The following INPP4B variants were observed in gnomAD, a reference collection of about 807,000 sequenced individuals.
The protein encoded by INPP4B is inositol polyphosphate-4-phosphatase type II B, also known as inositol polyphosphate 4-phosphatase type II.
Under a neutral mutation model 122.5 loss-of-function variants are expected in INPP4B, and 55 were observed. That is an observed-to-expected ratio of 0.45 (90% CI 0.36 to 0.56). INPP4B has a LOEUF of 0.56. INPP4B is among the 20% of genes least tolerant of loss of function. The pLI, the probability that INPP4B is intolerant of heterozygous loss-of-function variation, is 0.00. For synonymous variants in INPP4B, 403 were observed against 388.7 expected (o/e 1.04, Z -0.43); for missense variants, 1,000 against 1,097.7 (o/e 0.91, Z 1.26).
chr4:142,091,260 C>A (rs1447814978), intron 23 of INPP4B, among the ~76,000 whole-genome samples: 1 of 152,128 alleles, frequency 6.6e-6, no homozygotes, highest in African/African-American at 2.4e-5. Context: ...CAGCACTGAG[C>A]CAAGATTCCA....
intron 16 of INPP4B, among the ~76,000 whole-genome samples, chr4:142,171,531 C>G (rs1825641181): frequency 6.6e-6 from 1 of 151,854 alleles, no homozygotes; most frequent in South Asian, 2.1e-4. Flanking sequence ...TAGAATACCA[C>G]TAAAACTCTC....
intron 7 of INPP4B, among the ~76,000 whole-genome samples, chr4:142,399,353 C>G (rs574642968): frequency 6.6e-6 from 1 of 151,966 alleles, no homozygotes; most frequent in Non-Finnish European, 1.5e-5. Flanking sequence ...TGTGCCACCA[C>G]GCCCAGCTAA....
At chr4:142,642,052 G>A (rs142099533) in intron 2 of INPP4B, among the ~76,000 whole-genome samples, 1,756 of 152,278 alleles carry the variant, frequency 0.012, 31 homozygotes, top group African/African-American at 0.032. Flanking sequence ...TCTGTTGGCT[G>A]CATTGATGTC....
chr4:142,129,843 C>A (rs531568010), intron 18 of INPP4B, among the ~76,000 whole-genome samples: 2 of 152,224 alleles, frequency 1.3e-5, no homozygotes, highest in South Asian at 4.2e-4. Flanking sequence ...TTGCTCCCCC[C>A]CTCCTTTTTC....
At chr4:142,040,414 A>G (rs1746662207) in intron 25 of INPP4B, among the ~76,000 whole-genome samples, 1 of 152,242 alleles carries the variant, frequency 6.6e-6, no homozygotes, top group Admixed American at 6.5e-5. Context: ...TGACTGATAC[A>G]GAAAAGTCTC....
At chr4:142,089,998 G>C (rs1412558638) in intron 23 of INPP4B, among the ~76,000 whole-genome samples, 1 of 152,040 alleles carries the variant, frequency 6.6e-6, no homozygotes, top group Non-Finnish European at 1.5e-5. Flanking sequence ...TTTTACCATT[G>C]GTAGTACTAA....
intron 25 of INPP4B, among the ~76,000 whole-genome samples, chr4:142,049,866 A>G (rs1453017485): frequency 6.6e-6 from 1 of 152,078 alleles, no homozygotes; most frequent in African/African-American, 2.4e-5. Context: ...ATCAATAAGC[A>G]GAAATTCATT....
intron 22 of INPP4B, among the ~76,000 whole-genome samples, chr4:142,108,654 A>T (rs1788423307): frequency 6.6e-6 from 1 of 152,092 alleles, no homozygotes; most frequent in Non-Finnish European, 1.5e-5. Flanking sequence ...CACACTATCA[A>T]CTGCTGTAGG....
chr4:142,058,457 T>C (rs1758852443), intron 25 of INPP4B, among the ~76,000 whole-genome samples: 1 of 152,136 alleles, frequency 6.6e-6, no homozygotes, highest in South Asian at 2.1e-4. Flanking sequence ...TCTTTTTCCC[T>C]GAAAGTAACT....
At chr4:142,550,654 T>G (rs1161094384) in intron 2 of INPP4B, among the ~76,000 whole-genome samples, 1 of 150,572 alleles carries the variant, frequency 6.6e-6, no homozygotes, top group Non-Finnish European at 1.5e-5. Context: ...AGAAACTGGA[T>G]TTTTCTCTCA....
At chr4:142,312,955 C>T (rs1050309348) in intron 8 of INPP4B, among the ~76,000 whole-genome samples, 3 of 152,082 alleles carry the variant, frequency 2.0e-5, no homozygotes, top group African/African-American at 7.2e-5. Flanking sequence ...CAGAATAAAC[C>T]TCTGTCTCCC....
intron 9 of INPP4B, among the ~76,000 whole-genome samples, chr4:142,299,840 A>T: frequency 6.6e-6 from 1 of 152,100 alleles, no homozygotes; most frequent in Admixed American, 6.5e-5. Context: ...TAAAAGAGAA[A>T]GAAATTTATG....
intron 17 of INPP4B, among the ~76,000 whole-genome samples, chr4:142,153,633 C>A (rs990825123): frequency 6.6e-6 from 1 of 152,096 alleles, no homozygotes; most frequent in South Asian, 2.1e-4. Context: ...TACATTATTT[C>A]ATTACATTAA....
intron 7 of INPP4B, among the ~76,000 whole-genome samples, chr4:142,324,928 T>C (rs73850850): frequency 0.03 from 4,544 of 152,256 alleles, 220 homozygotes; most frequent in African/African-American, 0.1. Context: ...GAAAGCTTTT[T>C]TGATTTCTCT....
intron 1 of INPP4B, among the ~76,000 whole-genome samples, chr4:142,831,669 C>T (rs1015327112): frequency 6.6e-6 from 1 of 152,090 alleles, no homozygotes; most frequent in African/African-American, 2.4e-5. Flanking sequence ...AGCATTTTTT[C>T]CTCTTCCCAA....
chr4:142,143,569 G>A (rs541880242), intron 18 of INPP4B, among the ~76,000 whole-genome samples: 52 of 152,082 alleles, frequency 3.4e-4, no homozygotes, highest in African/African-American at 1.2e-3. Context: ...ATTATTATGT[G>A]TCAAATATAA....
intron 23 of INPP4B, among the ~76,000 whole-genome samples, chr4:142,098,754 T>A (rs530539420): frequency 2.6e-5 from 4 of 152,200 alleles, no homozygotes; most frequent in African/African-American, 9.6e-5. Flanking sequence ...TTTAAGGGCT[T>A]ATCAGGAACA....
At chr4:142,390,750 A>G (rs1561993611) in intron 7 of INPP4B, among the ~76,000 whole-genome samples, 1 of 152,196 alleles carries the variant, frequency 6.6e-6, no homozygotes, top group Non-Finnish European at 1.5e-5. Context: ...TACTATGTTA[A>G]GTTATTGTAG....
intron 2 of INPP4B, among the ~76,000 whole-genome samples, chr4:142,475,869 T>C (rs1441572217): frequency 6.6e-6 from 1 of 152,200 alleles, no homozygotes; most frequent in Non-Finnish European, 1.5e-5. Flanking sequence ...TATCTATGAC[T>C]CATTGGCATC....
Sources: gnomAD v4.1 joint callset for allele counts (sites outside exome capture counted in the v4.1 genomes callset) on GRCh38, gnomAD v4.1.1 for gene constraint, MANE v1.5 for transcripts, NCBI Gene and HGNC (gene_info 2026-07-23, HGNC 2026-07-21) for gene names.